Variants in LRRC4C observed in about 807,000 individuals in gnomAD.
LRRC4C encodes leucine rich repeat containing 4C, also known as leucine-rich repeat-containing protein 4C.
Under a neutral mutation model 33.6 loss-of-function variants are expected in LRRC4C, and 5 were observed. The observed-to-expected ratio is 0.15, with a 90% CI of 0.08 to 0.31. The LOEUF (loss-of-function observed/expected upper bound fraction) is 0.31, where lower values mean the gene tolerates loss of function less well. Among genes scored for constraint, LRRC4C ranks in the 10% least tolerant of loss-of-function variants. The pLI, the probability that LRRC4C is intolerant of heterozygous loss-of-function variation, is 1.00. For synonymous variants in LRRC4C, 329 were observed against 302.0 expected (o/e 1.09, Z -0.93); for missense variants, 560 against 796.7 (o/e 0.70, Z 3.58).
chr11:40,467,770 C>A (rs755161818), intron 3 of LRRC4C, among the ~76,000 whole-genome samples: 23 of 152,126 alleles, frequency 1.5e-4, no homozygotes, highest in Admixed American at 2.6e-4. Context: ...TCTCTTGGAG[C>A]AATATGCTCT....
intron 3 of LRRC4C, among the ~76,000 whole-genome samples, chr11:40,437,655 A>G (rs1198995871): frequency 6.6e-6 from 1 of 151,246 alleles, no homozygotes; most frequent in Non-Finnish European, 1.5e-5. Flanking sequence ...CGACCTCCCA[A>G]ATTGCTGGGA....
At position 41,167,145 on chromosome 11, in the gene LRRC4C, GA is replaced by G. The variant is rs747354526; in HGVS notation, c.-495-233423del. Among the ~76,000 whole-genome samples, 7 of 151,650 alleles carry G rather than the reference GA, an allele frequency of 4.6e-5. No homozygotes were observed. In the East Asian group the frequency reaches 5.8e-4, roughly 13 times the overall value. On this transcript the variant is annotated intron_variant, in intron 1 of 6. Coordinates refer to ENST00000528697, the MANE Select transcript of LRRC4C (RefSeq NM_001258419.2). ...ACAGATGATATAGATTTATTTTCTG[GA>G]AAAAAAATAGATACCAGAACATTTC...
At chr11:41,189,537 G>A (rs1045816251) in intron 1 of LRRC4C, among the ~76,000 whole-genome samples, 5 of 152,084 alleles carry the variant, frequency 3.3e-5, no homozygotes, top group East Asian at 1.9e-4. Flanking sequence ...AGGATGATGC[G>A]ATCCCACTCA....
At chr11:40,450,494 G>C (rs1951834499) in intron 3 of LRRC4C, among the ~76,000 whole-genome samples, 2 of 151,940 alleles carry the variant, frequency 1.3e-5, no homozygotes, top group Non-Finnish European at 2.9e-5. Flanking sequence ...AGACAACAAT[G>C]ACCTTAAATG....
intron 6 of LRRC4C, among the ~76,000 whole-genome samples, chr11:40,140,114 T>C (rs555589476): frequency 2.5e-4 from 38 of 152,322 alleles, no homozygotes; most frequent in Non-Finnish European, 4.4e-4. Context: ...AGTGCATTAA[T>C]TTTGTCAATT....
chr11:41,279,256 G>A (rs1230763462), intron 1 of LRRC4C, among the ~76,000 whole-genome samples: 1 of 151,960 alleles, frequency 6.6e-6, no homozygotes, highest in Admixed American at 6.6e-5. Flanking sequence ...AGTGACTAGT[G>A]CTGTGATGAA....
intron 3 of LRRC4C, among the ~76,000 whole-genome samples, chr11:40,532,610 T>A (rs777199206): frequency 6.6e-6 from 1 of 151,360 alleles, no homozygotes; most frequent in African/African-American, 2.4e-5. Context: ...GTAAGGGGTA[T>A]AAGATGAAAA....
At chr11:40,546,973 A>G (rs918224916) in intron 3 of LRRC4C, among the ~76,000 whole-genome samples, 1 of 152,176 alleles carries the variant, frequency 6.6e-6, no homozygotes, top group Non-Finnish European at 1.5e-5. Context: ...TAGCCTTGGC[A>G]GTACTTGGGT....
At chr11:41,193,421 T>C (rs1033001213) in intron 1 of LRRC4C, among the ~76,000 whole-genome samples, 6 of 152,048 alleles carry the variant, frequency 3.9e-5, no homozygotes, top group Non-Finnish European at 7.4e-5. Flanking sequence ...ATAACCCCAA[T>C]AGACCAAGCA....
At chr11:41,019,332 C>T (rs1855802179) in intron 1 of LRRC4C, among the ~76,000 whole-genome samples, 2 of 152,148 alleles carry the variant, frequency 1.3e-5, no homozygotes, top group African/African-American at 2.4e-5. Context: ...CATCCATGTA[C>T]CTGCAAAGAA....
At chr11:40,896,047 T>G (rs10160566) in intron 2 of LRRC4C, among the ~76,000 whole-genome samples, 147,372 of 152,298 alleles carry the variant, frequency 0.97, 71,489 homozygotes, top group East Asian at 1. Context: ...ATAAGGCTTA[T>G]ATACACAGTT....
intron 2 of LRRC4C, among the ~76,000 whole-genome samples, chr11:40,765,243 T>C (rs1949395540): frequency 6.6e-6 from 1 of 152,174 alleles, no homozygotes; most frequent in Non-Finnish European, 1.5e-5. Flanking sequence ...GGTGCCACTC[T>C]TGTAATTGTG....
intron 2 of LRRC4C, among the ~76,000 whole-genome samples, chr11:40,804,687 C>A (rs1286906558): frequency 1.3e-5 from 2 of 152,156 alleles, no homozygotes; most frequent in Admixed American, 1.3e-4. Flanking sequence ...GATTCTCAAG[C>A]CTCCCAAGTT....
chr11:41,260,788 A>T (rs1948956412), intron 1 of LRRC4C, among the ~76,000 whole-genome samples: 1 of 152,206 alleles, frequency 6.6e-6, no homozygotes, highest in South Asian at 2.1e-4. Context: ...GCAGTAGAGA[A>T]TAGTGATAAC....
rs9804684 is a variant in LRRC4C at position 40,680,449 on chromosome 11, C to G, written c.-406-32171G>C. On this transcript the variant is annotated intron_variant, in intron 2 of 6. Coordinates refer to ENST00000528697, the MANE Select transcript of LRRC4C (RefSeq NM_001258419.2). ...GATATGGTTTGGCTCTGTGTCCCCA[C>G]CCAAATCTAATCTTGTAGCTCCCAT... 7.7e-3 allele frequency among the ~76,000 whole-genome samples: 1,175 copies of G among 152,224 alleles called. 18 individuals carry two copies. Among genetic ancestry groups the G allele is most frequent in the African/African-American group, 0.027 (1,103 of 41,520 alleles).
intron 3 of LRRC4C, among the ~76,000 whole-genome samples, chr11:40,571,128 T>A (rs1026155032): frequency 6.6e-6 from 1 of 152,092 alleles, no homozygotes; most frequent in East Asian, 1.9e-4. Flanking sequence ...ATTGCATTAA[T>A]GGTAGTAATT....
Position 40,862,773 on chromosome 11 carries a change from T to G in LRRC4C, c.-407+70862A>C, listed in dbSNP as rs186592209. On this transcript the variant is annotated intron_variant, in intron 2 of 6. Coordinates refer to ENST00000528697, the MANE Select transcript of LRRC4C (RefSeq NM_001258419.2). ...AATTTTAACTCTCCTGTGTGTCAAG[T>G]GCTATATAAGGAACAGTCAGGGAGA... is the stretch of plus-strand genomic sequence containing the variant. Among the ~76,000 whole-genome samples, 24 of 152,256 alleles carry G rather than the reference T, an allele frequency of 1.6e-4. 1 individual carries two copies. The highest frequency in any genetic ancestry group is 1.6e-3 in the Admixed American group (24 of 15,282).
intron 1 of LRRC4C, among the ~76,000 whole-genome samples, chr11:41,398,795 C>T (rs918077050): frequency 4.0e-5 from 6 of 151,830 alleles, no homozygotes; most frequent in Admixed American, 1.3e-4. Flanking sequence ...TAAAGCCTAA[C>T]TTATCAAGCT....
At chr11:41,045,461 G>A (rs1857709231) in intron 1 of LRRC4C, among the ~76,000 whole-genome samples, 1 of 152,110 alleles carries the variant, frequency 6.6e-6, no homozygotes, top group South Asian at 2.1e-4. Flanking sequence ...GAGTCATCCA[G>A]ACCATGGAGA....
Sources: allele counts gnomAD v4.1 joint callset (sites outside exome capture counted in the v4.1 genomes callset), GRCh38; gene constraint gnomAD v4.1.1; transcripts MANE v1.5; gene names NCBI Gene and HGNC (gene_info 2026-07-23, HGNC 2026-07-21).